CAMK2B: variants seen among roughly 807,000 people sequenced by gnomAD.
CAMK2B encodes calcium/calmodulin-dependent protein kinase type II subunit beta.
A neutral mutation model predicts 93.7 loss-of-function variants in CAMK2B; 27 were observed. The ratio of observed to expected loss-of-function variants is 0.29; its 90% CI spans 0.21 to 0.40. The LOEUF is 0.40. Among genes scored for constraint, CAMK2B ranks in the 10% least tolerant of loss-of-function variants. CAMK2B has a pLI of 1.00. For synonymous variants in CAMK2B, 374 were observed against 358.8 expected (o/e 1.04, Z -0.48); for missense variants, 568 against 895.8 (o/e 0.63, Z 4.67).
rs145254638 is a variant in CAMK2B, at chr7:44,316,579, T to C, written c.65+8778A>G. 6.6e-5 allele frequency among the ~76,000 whole-genome samples: 10 copies of C among 152,296 alleles called. No individual in the cohort carries two copies. The East Asian group carries it at 1.9e-3, about 29-fold the overall frequency. ...CTCTTCTACTTTTTGGGGGAGCTTGTAAAAGACTGGTATTAATTCTTCTTT... is the reference window on the plus strand; with the variant it reads ...CTCTTCTACTTTTTGGGGGAGCTTGCAAAAGACTGGTATTAATTCTTCTTT... On this transcript the variant is annotated intron_variant, in intron 1 of 23. Transcript: ENST00000395749.
rs1331928428 is a variant in CAMK2B, at chr7:44,220,264, G to A, written c.1799C>T (p.Thr600Met). Reference sequence around the variant, plus strand: ...GTGCACGTGTGGGTTCAGGATGGTCGTGTGGATCGGCTTGCTGTTCTTGGC... The same window carrying A: ...GTGCACGTGTGGGTTCAGGATGGTCATGTGGATCGGCTTGCTGTTCTTGGC... Reference protein sequence around the residue: ...LLAKNSKPIHTTILNPHVHVI... With the variant: ...LLAKNSKPIHMTILNPHVHVI... Residue 600 changes from threonine (T) to methionine (M), a missense_variant, in exon 23 of 24, where the codon ACG becomes ATG. Physicochemically the swap from Thr to Met is moderately conservative, Grantham distance 81. Coordinates refer to ENST00000395749, the MANE Select transcript of CAMK2B (RefSeq NM_001220.5). 5 of 1,613,168 alleles carry A rather than the reference G, an allele frequency of 3.1e-6. No individual in the cohort carries two copies. Among genetic ancestry groups the A allele is most frequent in the East Asian group, 2.2e-5 (1 of 44,866 alleles).
chr7:44,235,751 G>A (rs1649391487), intron 13 of CAMK2B, among the ~76,000 whole-genome samples: 1 of 152,236 alleles, frequency 6.6e-6, no homozygotes, highest in African/African-American at 2.4e-5. Flanking sequence ...CCAAGGGGAT[G>A]ACGACATGGG....
In CAMK2B at chr7:44,242,365, C is replaced by G. The variant is rs777030821; in HGVS notation, c.697-25G>C. On this transcript the variant is annotated intron_variant, in intron 9 of 23. Transcript: ENST00000395749. ...ACTGCAGAAGGAAACAGCGCCCCGGCCGGGCCTGAAGCTCCCTCTCAGGCA... is the reference window on the plus strand; with the variant it reads ...ACTGCAGAAGGAAACAGCGCCCCGGGCGGGCCTGAAGCTCCCTCTCAGGCA... The G allele has an allele frequency of 1.7e-5, 28 of 1,606,314 alleles. No individual in the cohort carries two copies. In the South Asian group the frequency reaches 2.4e-4, roughly 14 times the overall value.
chr7:44,307,410 G>A (rs1165198146), intron 1 of CAMK2B, among the ~76,000 whole-genome samples: 7 of 148,548 alleles, frequency 4.7e-5, no homozygotes, highest in African/African-American at 1.7e-4. Context: ...GTAAGCAGAA[G>A]GAGGAGGGTG....
chr7:44,242,973 C>T (rs1220108092), intron 8 of CAMK2B, among the ~76,000 whole-genome samples: 1 of 152,220 alleles, frequency 6.6e-6, no homozygotes, highest in Non-Finnish European at 1.5e-5. Context: ...CCTCTCTTCT[C>T]CACTCCCATC....
chr7:44,228,439 G>A (rs1419351437), intron 19 of CAMK2B, among the ~76,000 whole-genome samples: 1 of 152,150 alleles, frequency 6.6e-6, no homozygotes, highest in Non-Finnish European at 1.5e-5. Flanking sequence ...TGAAGTCTGT[G>A]GGGCTGGGAC....
chr7:44,307,024 G>A (rs2115808335), intron 1 of CAMK2B, among the ~76,000 whole-genome samples: 1 of 136,108 alleles, frequency 7.3e-6, no homozygotes, highest in African/African-American at 2.8e-5. Context: ...GAAGAAGAGG[G>A]TGTGAGCAGG....
intron 23 of CAMK2B, 30 bp downstream of exon 23, chr7:44,220,030 C>A: frequency 6.6e-7 from 1 of 1,510,052 alleles, no homozygotes; most frequent in South Asian, 1.2e-5. Context: ...ACCCCTCTGC[C>A]CCAGCTGTCA....
chr7:44,239,307 G>A (rs933883342), intron 13 of CAMK2B, among the ~76,000 whole-genome samples: 48 of 152,290 alleles, frequency 3.2e-4, no homozygotes, highest in African/African-American at 1.0e-3. Flanking sequence ...GGGGGTCTCC[G>A]GACCCCCAGA....
At chr7:44,303,954 C>T (rs772186126) in intron 1 of CAMK2B, among the ~76,000 whole-genome samples, 14 of 151,962 alleles carry the variant, frequency 9.2e-5, no homozygotes, top group South Asian at 2.1e-4. Flanking sequence ...GATACCTCAC[C>T]GAAGAAGATA....
At chr7:44,313,010 A>G (rs1793951441) in intron 1 of CAMK2B, among the ~76,000 whole-genome samples, 1 of 152,118 alleles carries the variant, frequency 6.6e-6, no homozygotes, top group African/African-American at 2.4e-5. Flanking sequence ...AGGCTCAGCC[A>G]CATTAATTTC....
intron 12 of CAMK2B, among the ~76,000 whole-genome samples, chr7:44,239,944 T>G (rs938790900): frequency 1.3e-4 from 20 of 152,102 alleles, no homozygotes; most frequent in African/African-American, 4.8e-4. Flanking sequence ...GACAGTCCTA[T>G]TAGTGTTGGT....
intron 2 of CAMK2B, among the ~76,000 whole-genome samples, chr7:44,264,352 G>C (rs552249588): frequency 6.6e-6 from 1 of 152,194 alleles, no homozygotes; most frequent in South Asian, 2.1e-4. Flanking sequence ...AGCAGGTGTG[G>C]TGGTGGCAGC....
intron 1 of CAMK2B, among the ~76,000 whole-genome samples, chr7:44,309,064 G>A (rs1325938624): frequency 2.6e-5 from 4 of 152,190 alleles, no homozygotes; most frequent in Non-Finnish European, 4.4e-5. Flanking sequence ...AGCACTGCCC[G>A]CCTGGCCTAG....
intron 3 of CAMK2B, among the ~76,000 whole-genome samples, chr7:44,261,601 T>A (rs1246806605): frequency 6.6e-6 from 1 of 152,092 alleles, no homozygotes; most frequent in Non-Finnish European, 1.5e-5. Context: ...GATGGAGCAC[T>A]GGGGGTCTGT....
intron 2 of CAMK2B, among the ~76,000 whole-genome samples, chr7:44,265,369 C>T (rs2096913850): frequency 6.6e-6 from 1 of 152,196 alleles, no homozygotes; most frequent in Non-Finnish European, 1.5e-5. Flanking sequence ...CAACTTGTCC[C>T]AATAAAGTTG....
intron 2 of CAMK2B, among the ~76,000 whole-genome samples, chr7:44,264,906 T>A (rs1381537389): frequency 6.6e-6 from 1 of 152,036 alleles, no homozygotes; most frequent in Non-Finnish European, 1.5e-5. Context: ...CCAGCAACAC[T>A]GGACATACCT....
intron 13 of CAMK2B, among the ~76,000 whole-genome samples, chr7:44,238,469 C>A (rs187949086): frequency 6.6e-6 from 1 of 152,200 alleles, no homozygotes; most frequent in African/African-American, 2.4e-5. Context: ...TCTGGAAAGG[C>A]CTGTCAAATG....
intron 2 of CAMK2B, among the ~76,000 whole-genome samples, chr7:44,273,283 A>T (rs2096992671): frequency 2.6e-5 from 4 of 152,134 alleles, no homozygotes; most frequent in Admixed American, 6.5e-5. Context: ...TCCTGAGTGC[A>T]GTATCCTCCT....
Sources: gnomAD v4.1 joint callset for allele counts (sites outside exome capture counted in the v4.1 genomes callset) on GRCh38, gnomAD v4.1.1 for gene constraint, MANE v1.5 for transcripts, NCBI Gene and HGNC (gene_info 2026-07-23, HGNC 2026-07-21) for gene names.